Variants in PRDM4 observed in about 807,000 individuals in gnomAD.
PRDM4 encodes PR/SET domain 4, also known as PR domain zinc finger protein 4.
In PRDM4, 38 loss-of-function variants were observed where a neutral mutation model predicts 62.3. The observed-to-expected ratio is 0.61, with a 90% CI of 0.47 to 0.80. PRDM4 has a LOEUF of 0.80. Ranked by LOEUF, PRDM4 falls within the 30% of genes least tolerant of loss-of-function variation. The pLI, the probability that PRDM4 is intolerant of heterozygous loss-of-function variation, is 0.00. For synonymous variants in PRDM4, 339 were observed against 348.2 expected (o/e 0.97, Z 0.30); for missense variants, 858 against 997.1 (o/e 0.86, Z 1.88).
chr12:107,760,694 A>C lies in PRDM4; in HGVS notation c.-179T>G, dbSNP rs1015638336. ...TTCTCCCGAGGGCCGGTGGCCGTGCACCCCGCCACGGGTTGGGGCATCTCG... is the reference window on the plus strand; with the variant it reads ...TTCTCCCGAGGGCCGGTGGCCGTGCCCCCCGCCACGGGTTGGGGCATCTCG... On this transcript the variant is annotated 5_prime_UTR_variant, in exon 2 of 12. Transcript: ENST00000228437. 7 of 656,218 alleles carry C rather than the reference A, an allele frequency of 1.1e-5. No homozygotes were observed. Among genetic ancestry groups the C allele is most frequent in the Admixed American group, 3.1e-5 (1 of 32,556 alleles). 40.6% of individuals were successfully genotyped at this position (656,218 alleles called of 1,614,324 possible). A position where few individuals can be genotyped will look rare whatever the true frequency, so the allele number is the denominator to read the frequency against.
At chr12:107,743,907 G>C (rs1473887914) in intron 7 of PRDM4, among the ~76,000 whole-genome samples, 2 of 152,160 alleles carry the variant, frequency 1.3e-5, no homozygotes, top group Non-Finnish European at 2.9e-5. Flanking sequence ...TTGAGGTCAG[G>C]AGTTTAAGAC....
intron 11 of PRDM4, chr12:107,736,611 A>G (rs966989725): frequency 5.3e-5 from 8 of 152,280 alleles, no homozygotes; most frequent in African/African-American, 1.9e-4. Flanking sequence ...ATGGAAAGCC[A>G]CCAGAGATGT....
chr12:107,733,581 T>TG lies in PRDM4; in HGVS notation c.*628_*629insC, dbSNP rs1421719085. 6.6e-6 allele frequency: 1 copy of TG among 152,538 alleles called. No individual in the cohort carries two copies. Among genetic ancestry groups the TG allele is most frequent in the Non-Finnish European group, 1.5e-5 (1 of 68,310 alleles). 9.4% of individuals were successfully genotyped at this position (152,538 alleles called of 1,614,324 possible). The stretch of plus-strand genomic sequence containing the variant: ...TCCTCTTGTTCTCTCCATCACTGAC[T>TG]ACTGACTGACTGCTGCTTTTTTATT... On this transcript the variant is annotated 3_prime_UTR_variant, in exon 12 of 12. Transcript: ENST00000228437.
chr12:107,739,359 C>T lies in PRDM4; in HGVS notation c.2093+24G>A, dbSNP rs923766255. On this transcript the variant is annotated intron_variant, in intron 11 of 11. Transcript: ENST00000228437. ...CAAAGGCTCACCACCTGAGGAACGACGTCTTGGCTGCAGGGTAACTTACTG... is the reference window on the plus strand; with the variant it reads ...CAAAGGCTCACCACCTGAGGAACGATGTCTTGGCTGCAGGGTAACTTACTG... 8 of 1,607,532 alleles carry T rather than the reference C, an allele frequency of 5.0e-6. No individual in the cohort carries two copies. In the African/African-American group the frequency reaches 5.3e-5, roughly 11 times the overall value.
At chr12:107,754,326 G>T (rs927251393) in intron 3 of PRDM4, among the ~76,000 whole-genome samples, 6 of 152,108 alleles carry the variant, frequency 3.9e-5, no homozygotes, top group African/African-American at 1.2e-4. Context: ...TTCTAAACCG[G>T]CAAGTTGATA....
chr12:107,750,477 G>A (rs1036925553), intron 5 of PRDM4, among the ~76,000 whole-genome samples: 64 of 152,220 alleles, frequency 4.2e-4, no homozygotes, highest in African/African-American at 1.2e-3. Flanking sequence ...CCAGGAGGTC[G>A]AGGCTACAGT....
Position 107,750,355 on chromosome 12 carries a change from CA to C in PRDM4, c.1126+1059del, listed in dbSNP as rs567420336. Among the ~76,000 whole-genome samples the C allele has an allele frequency of 9.9e-5, 15 of 152,186 alleles. No individual in the cohort carries two copies. The East Asian group carries it at 2.9e-3, about 29-fold the overall frequency. On this transcript the variant is annotated intron_variant, in intron 5 of 11. Transcript: ENST00000228437. ...GAGTCGAGTTCAAGACCAGCCAAGG[CA>C]ACACAGTGAGACCCCCATCTCTACA...
chr12:107,743,377 T>C (rs1482029832), intron 7 of PRDM4, 95 bp from the exon 8 acceptor site: 1 of 840,246 alleles, frequency 1.2e-6, no homozygotes, highest in African/African-American at 1.7e-5. Flanking sequence ...TTTACTCATT[T>C]GCAGTAGGTC....
At chr12:107,740,858 C>T in intron 10 of PRDM4, 88 bp downstream of exon 10, 2 of 1,346,390 alleles carry the variant, frequency 1.5e-6, no homozygotes, top group Non-Finnish European at 2.0e-6. Flanking sequence ...CAAATCTCAA[C>T]TCCACCTACA....
At chr12:107,748,108 G>A (rs1377289312) in intron 5 of PRDM4, among the ~76,000 whole-genome samples, 1 of 152,094 alleles carries the variant, frequency 6.6e-6, no homozygotes, top group African/African-American at 2.4e-5. Flanking sequence ...GAACCCGGGA[G>A]GTGGAGGTTG....
chr12:107,747,327 GCTCTGAC>G (rs1890739390), intron 5 of PRDM4, among the ~76,000 whole-genome samples: 1 of 151,470 alleles, frequency 6.6e-6, no homozygotes, highest in South Asian at 2.1e-4. Context: ...GGTACAGCTG[GCTCTGAC>G]CCCAGTGACC....
At chr12:107,758,833 G>A (rs1265689217) in intron 2 of PRDM4, among the ~76,000 whole-genome samples, 1 of 152,162 alleles carries the variant, frequency 6.6e-6, no homozygotes, top group East Asian at 1.9e-4. Flanking sequence ...ACCTTGTATA[G>A]AACAGACATT....
At position 107,739,527 on chromosome 12, in the gene PRDM4, A is replaced by C. The variant is rs764077865; in HGVS notation, c.1949T>G (p.Leu650Trp). The C allele has an allele frequency of 6.2e-7, 1 of 1,613,926 alleles. No homozygotes were observed. The highest frequency in any genetic ancestry group is 8.5e-7 in the Non-Finnish European group (1 of 1,179,856). The change falls in exon 11 of 12, where the codon TTG becomes TGG. Residue 650 changes from leucine (L) to tryptophan (W), a missense_variant. Physicochemically the swap from Leu to Trp is moderately conservative, Grantham distance 61. This residue lies in a region of PRDM4 where 355 missense variants were observed against 432.6 expected (regional missense o/e 0.82). Coordinates refer to ENST00000228437, the MANE Select transcript of PRDM4 (RefSeq NM_012406.4). ...HTGQKNYRCT[L>W]CDKSFTQKAH... is the part of the protein sequence containing the mutation. Reference sequence around the variant, plus strand: ...CTTCTGGGTGAAAGACTTGTCACACAAGGTACACCTGTAGTTCTTCTGACC... The same window carrying C: ...CTTCTGGGTGAAAGACTTGTCACACCAGGTACACCTGTAGTTCTTCTGACC...
At chr12:107,760,116 C>A in intron 2 of PRDM4, 1 of 160,978 alleles carries the variant, frequency 6.2e-6, no homozygotes, top group Non-Finnish European at 1.4e-5. Context: ...ACTTAAACAT[C>A]AGCATGAAGC....
Position 107,739,217 on chromosome 12 carries a change from G to T in PRDM4, c.2093+166C>A, listed in dbSNP as rs548141087. 10 of 636,024 alleles carry T rather than the reference G, an allele frequency of 1.6e-5. No individual in the cohort carries two copies. The African/African-American group carries it at 1.7e-4, about 11-fold the overall frequency. The allele number at this position is 636,024 out of a possible 1,614,324, so 39.4% of individuals were successfully genotyped here. A position where few individuals can be genotyped will look rare whatever the true frequency, so the allele number is the denominator to read the frequency against. The stretch of plus-strand genomic sequence containing the variant: ...CTTCCAGGATAACACCAAAAAAAGT[G>T]TTCCAACCTTGGCTTGGCTACATGG... On this transcript the variant is annotated intron_variant, in intron 11 of 11. Coordinates refer to ENST00000228437, the MANE Select transcript of PRDM4 (RefSeq NM_012406.4).
chr12:107,752,338 T>C, intron 4 of PRDM4, 129 bp from the exon 5 acceptor site: 1 of 702,564 alleles, frequency 1.4e-6, no homozygotes, highest in Non-Finnish European at 2.3e-6. Context: ...ATTTAATCGA[T>C]ACACACTATT....
At chr12:107,755,245 C>T (rs2136332556) in intron 3 of PRDM4, among the ~76,000 whole-genome samples, 1 of 152,168 alleles carries the variant, frequency 6.6e-6, no homozygotes, top group East Asian at 1.9e-4. Context: ...CGGGTGTGTG[C>T]CACCATGCGC....
Position 107,743,093 on chromosome 12 carries a change from G to A in PRDM4, c.1481+104C>T, listed in dbSNP as rs1055158832. 3.3e-6 allele frequency: 3 copies of A among 916,358 alleles called. No individual in the cohort carries two copies. In the East Asian group the frequency reaches 7.7e-5, roughly 24 times the overall value. 56.8% of individuals were successfully genotyped at this position (916,358 alleles called of 1,614,324 possible). On this transcript the variant is annotated intron_variant, in intron 8 of 11. Transcript: ENST00000228437. Reference sequence around the variant, plus strand: ...CCTTGGGCTTTAAGTATGTCCAGGTGTTGGTGTAATTTGGATTCTTAACTC... The same window carrying A: ...CCTTGGGCTTTAAGTATGTCCAGGTATTGGTGTAATTTGGATTCTTAACTC...
intron 6 of PRDM4, among the ~76,000 whole-genome samples, chr12:107,745,426 G>A (rs915144558): frequency 4.6e-5 from 7 of 151,726 alleles, no homozygotes; most frequent in Admixed American, 1.3e-4. Flanking sequence ...TAATTAGCTG[G>A]GCATGATTGC....
Sources: allele counts gnomAD v4.1 joint callset (sites outside exome capture counted in the v4.1 genomes callset), GRCh38; gene constraint gnomAD v4.1.1; regional missense constraint gnomAD v4.1.1; transcripts MANE v1.5; gene names NCBI Gene and HGNC (gene_info 2026-07-23, HGNC 2026-07-21).